XRRA1: variants seen among roughly 807,000 people sequenced by gnomAD.
XRRA1 encodes the protein X-ray radiation resistance-associated protein 1.
In XRRA1, 69 loss-of-function variants were observed where a neutral mutation model predicts 80.2. That is an observed-to-expected ratio of 0.86 (90% CI 0.71 to 1.05). The LOEUF (loss-of-function observed/expected upper bound fraction) is 1.05. XRRA1 is among the 50% of genes least tolerant of loss of function. The pLI, the probability that XRRA1 is intolerant of heterozygous loss-of-function variation, is 0.00. For missense variants in XRRA1, 967 were observed against 976.4 expected, an observed-to-expected ratio of 0.99 and a Z score of 0.13; for synonymous variants, 348 against 389.9, an observed-to-expected ratio of 0.89 and a Z score of 1.27.
At chr11:74,921,165 G>A in intron 8 of XRRA1, 49 bp downstream of exon 8, 1 of 1,599,786 alleles carries the variant, frequency 6.3e-7, no homozygotes, top group South Asian at 1.1e-5. Context: ...TATTTCCTTG[G>A]ATATTTGTAC....
chr11:74,929,635 A>G (rs1943053200), intron 6 of XRRA1, among the ~76,000 whole-genome samples: 1 of 152,210 alleles, frequency 6.6e-6, no homozygotes, highest in African/African-American at 2.4e-5. Context: ...CATCTGCTCC[A>G]GCAGCCGGAA....
chr11:74,870,137 T>C (rs535180339), intron 10 of XRRA1, among the ~76,000 whole-genome samples: 49 of 152,324 alleles, frequency 3.2e-4, no homozygotes, highest in Admixed American at 2.4e-3. Context: ...TAGATGCCCT[T>C]AGGGAATGCC....
rs1348051004 is a variant in XRRA1, at chr11:74,933,835, C to G, written c.317G>C (p.Cys106Ser). The change falls in exon 5 of 19, where the codon TGC becomes TCC. Residue 106 changes from cysteine to serine, a missense_variant. Transcript: ENST00000684022. The stretch of plus-strand genomic sequence containing the variant: ...CTTCAGGCCACTCACATTAATGGTG[C>G]ACAGATCTGATGGCTTCCTCACACA... ...HHCVRKPSDL[C>S]TINVSGLKFS... 1 of 1,603,326 alleles carries G rather than the reference C, an allele frequency of 6.2e-7. No homozygotes were observed. The highest frequency in any genetic ancestry group is 1.7e-5 in the Admixed American group (1 of 58,648).
At chr11:74,844,035 C>T (rs2037259029) in intron 17 of XRRA1, 76 bp from the exon 18 acceptor site, 1 of 1,490,886 alleles carries the variant, frequency 6.7e-7, no homozygotes, top group South Asian at 1.2e-5. Flanking sequence ...CATACAGTCA[C>T]AGCAACAGGC....
In XRRA1 at chr11:74,859,350, A is replaced by T. The variant is rs1017406444; in HGVS notation, c.1045-67T>A. The T allele has an allele frequency of 2.0e-6, 3 of 1,512,834 alleles. No individual in the cohort carries two copies. The African/African-American group carries it at 4.2e-5, about 21-fold the overall frequency. 93.7% of individuals were successfully genotyped at this position (1,512,834 alleles called of 1,614,324 possible). ...AAATAAGGCCACTAAGGGCCAACAGACCCTTTCAATGGAACAGGGTGGAAT... is the reference window on the plus strand; with the variant it reads ...AAATAAGGCCACTAAGGGCCAACAGTCCCTTTCAATGGAACAGGGTGGAAT... On this transcript the variant is annotated intron_variant, in intron 11 of 18. Coordinates refer to ENST00000684022, the MANE Select transcript of XRRA1 (RefSeq NM_001378157.1).
rs1386047904 is a variant in XRRA1, at chr11:74,842,978, C to T, written c.*222G>A. 15 of 593,280 alleles carry T rather than the reference C, an allele frequency of 2.5e-5. No homozygotes were observed. The East Asian group carries it at 3.9e-4, about 16-fold the overall frequency. The allele number at this position is 593,280 out of a possible 1,614,324, so 36.8% of individuals were successfully genotyped here. On this transcript the variant is annotated 3_prime_UTR_variant, in exon 19 of 19. Coordinates refer to ENST00000684022, the MANE Select transcript of XRRA1 (RefSeq NM_001378157.1). Reference sequence around the variant, plus strand: ...GTGGCACCCAGTCTATTGCCCTGTGCACCCACTCTTTATTGCCGCTGGGCC... The same window carrying T: ...GTGGCACCCAGTCTATTGCCCTGTGTACCCACTCTTTATTGCCGCTGGGCC...
At chr11:74,862,100 C>A (rs1305227697) in intron 11 of XRRA1, among the ~76,000 whole-genome samples, 1 of 152,164 alleles carries the variant, frequency 6.6e-6, no homozygotes, top group Non-Finnish European at 1.5e-5. Context: ...TCTCTTGAAA[C>A]CCTGATGCTG....
intron 8 of XRRA1, among the ~76,000 whole-genome samples, chr11:74,908,070 C>T (rs543165419): frequency 6.6e-6 from 1 of 152,262 alleles, no homozygotes; most frequent in South Asian, 2.1e-4. Flanking sequence ...ATGCCACCCA[C>T]ACACCAAAAT....
At chr11:74,948,433 C>G (rs1447228514) in intron 1 of XRRA1, among the ~76,000 whole-genome samples, 1 of 152,198 alleles carries the variant, frequency 6.6e-6, no homozygotes, top group Non-Finnish European at 1.5e-5. Flanking sequence ...GCAACCAGGT[C>G]TATCTTGATC....
chr11:74,888,600 T>A (rs2049744391), intron 10 of XRRA1, among the ~76,000 whole-genome samples: 1 of 152,198 alleles, frequency 6.6e-6, no homozygotes, highest in Non-Finnish European at 1.5e-5. Flanking sequence ...GAAGAAGGCT[T>A]CGGACGATCG....
chr11:74,883,209 C>T (rs992365558), intron 10 of XRRA1, among the ~76,000 whole-genome samples: 31 of 152,344 alleles, frequency 2.0e-4, no homozygotes, highest in Admixed American at 1.2e-3. Flanking sequence ...GATATAATCT[C>T]GTGGTGTGCC....
At chr11:74,883,173 C>T (rs1021780547) in intron 10 of XRRA1, among the ~76,000 whole-genome samples, 6 of 150,824 alleles carry the variant, frequency 4.0e-5, no homozygotes, top group Admixed American at 6.6e-5. Context: ...ACTCCGTGGG[C>T]GTAGGACCCT....
intron 5 of XRRA1, 101 bp downstream of exon 5, chr11:74,933,700 G>A: frequency 9.6e-7 from 1 of 1,046,340 alleles, no homozygotes; most frequent in Non-Finnish European, 1.4e-6. Context: ...CAGATTTCCA[G>A]TCCCTAGGGA....
intron 8 of XRRA1, among the ~76,000 whole-genome samples, chr11:74,909,395 A>G (rs1356730479): frequency 6.6e-6 from 1 of 152,176 alleles, no homozygotes; most frequent in Non-Finnish European, 1.5e-5. Context: ...TGATTGGCCA[A>G]TCTTAATTTT....
At chr11:74,946,076 C>T (rs1821155592) in intron 1 of XRRA1, among the ~76,000 whole-genome samples, 1 of 152,150 alleles carries the variant, frequency 6.6e-6, no homozygotes, top group African/African-American at 2.4e-5. Flanking sequence ...AATCCTCCCA[C>T]CTTAGCCTCC....
chr11:74,848,368 T>C lies in XRRA1; in HGVS notation c.1475A>G (p.Glu492Gly). 6.2e-7 allele frequency: 1 copy of C among 1,613,926 alleles called. No homozygotes were observed. The change falls in exon 15 of 19, where the codon GAG becomes GGG. Residue 492 changes from glutamate (E) to glycine (G), a missense_variant. By Grantham distance (98) the Glu-to-Gly change is moderately conservative (BLOSUM62 -2). Transcript: ENST00000684022. ...ATCTTCAGCCAGCTCTGCCTCTGGC[T>C]CTAGCATATCCTTTGAGGGAGACTT... The part of the protein sequence containing the change: ...TTKSPSKDML[E>G]PEAELAEDLP...
chr11:74,868,764 T>C (rs150516416), intron 10 of XRRA1, among the ~76,000 whole-genome samples: 50 of 151,030 alleles, frequency 3.3e-4, no homozygotes, highest in African/African-American at 1.2e-3. Context: ...CAAAGAAGGA[T>C]ATTATATAAT....
intron 15 of XRRA1, 112 bp downstream of exon 15, chr11:74,848,003 G>T: frequency 1.0e-6 from 1 of 967,074 alleles, no homozygotes; most frequent in Non-Finnish European, 1.5e-6. Context: ...CTTGTTTCCA[G>T]ACCTGCCATG....
intron 12 of XRRA1, among the ~76,000 whole-genome samples, chr11:74,857,131 T>G (rs1208832657): frequency 6.6e-6 from 1 of 151,848 alleles, no homozygotes; most frequent in Non-Finnish European, 1.5e-5. Context: ...AACAAGCATG[T>G]GGAGATAAAC....
Sources: gnomAD v4.1 joint callset for allele counts (sites outside exome capture counted in the v4.1 genomes callset) on GRCh38, gnomAD v4.1.1 for gene constraint, MANE v1.5 for transcripts, NCBI Gene and HGNC (gene_info 2026-07-23, HGNC 2026-07-21) for gene names.